The following EPDR1 variants were observed in gnomAD, a reference collection of about 807,000 sequenced individuals.
EPDR1 encodes the protein ependymin related 1, also known as mammalian ependymin-related protein 1.
In EPDR1, 27 loss-of-function variants were observed where a neutral mutation model predicts 23.7. The ratio of observed to expected loss-of-function variants is 1.14; its 90% confidence interval spans 0.84 to 1.57. The LOEUF (loss-of-function observed/expected upper bound fraction) is 1.57, where lower values mean the gene tolerates loss of function less well. Among genes scored for constraint, EPDR1 ranks in the 40% most tolerant of loss-of-function variants. EPDR1 has a pLI of 0.00. For synonymous variants in EPDR1, 137 were observed against 118.2 expected (o/e 1.16, Z -1.03); for missense variants, 349 against 290.4 (o/e 1.20, Z -1.47).
intron 1 of EPDR1, among the ~76,000 whole-genome samples, chr7:37,937,841 G>A (rs542455974): frequency 6.6e-6 from 1 of 150,930 alleles, no homozygotes; most frequent in Non-Finnish European, 1.5e-5. Context: ...TTTCTTGACA[G>A]AAGCCCCATC....
chr7:37,948,843 A>G lies in EPDR1; in HGVS notation c.273A>G (p.Leu91=), dbSNP rs1786335324. The G allele has an allele frequency of 1.2e-6, 2 of 1,613,878 alleles. No individual in the cohort carries two copies. ...CTTCTTTCCATCTGTGTTTCAGATTATTTGAATATATTTTGCTGTATAAGG... is the reference window on the plus strand; with the variant it reads ...CTTCTTTCCATCTGTGTTTCAGATTGTTTGAATATATTTTGCTGTATAAGG... ...ERKALIPCKR[L]FEYILLYKDG... is the part of the protein sequence containing the mutation. Residue 91 remains leucine, a synonymous_variant, in exon 2 of 3, where the codon TTA becomes TTG. Transcript: ENST00000199448.
rs191756674 is a variant in EPDR1 at position 37,938,529 on chromosome 7, C to T, written c.270-10311C>T. 2.5e-3 allele frequency among the ~76,000 whole-genome samples: 375 copies of T among 152,282 alleles called. 1 individual carries two copies. The highest frequency in any genetic ancestry group is 8.6e-3 in the African/African-American group (358 of 41,562). ...CACTCTCATAATAAGAAGATGTTAT[C>T]ATTCTTTGGCTTTTCAGAAGGCGAA... is the stretch of plus-strand genomic sequence containing the variant. On this transcript the variant is annotated intron_variant, in intron 1 of 2. Transcript: ENST00000199448.
chr7:37,943,863 C>T (rs572520793), intron 1 of EPDR1, among the ~76,000 whole-genome samples: 5 of 152,278 alleles, frequency 3.3e-5, no homozygotes, highest in East Asian at 1.9e-4. Context: ...GTGGGCAGAG[C>T]GGGCCTCAGG....
rs1463084850 is a variant in EPDR1 at position 37,950,236 on chromosome 7, G to A, written c.515G>A (p.Cys172Tyr). The change falls in exon 3 of 3, where the codon TGC (cysteine) becomes TAC (tyrosine). Residue 172 changes from cysteine to tyrosine, a missense_variant. Transcript: ENST00000199448. ...TWIGIYTVKD[C>Y]YPVQETFTIN... ...ATTGGCATCTATACAGTCAAGGATT[G>A]CTATCCTGTCCAGGAAACCTTTACC... 1 of 1,613,976 alleles carries A rather than the reference G, an allele frequency of 6.2e-7. No individual in the cohort carries two copies. The highest frequency in any genetic ancestry group is 1.3e-5 in the African/African-American group (1 of 75,022).
At chr7:37,947,043 G>A (rs534514034) in intron 1 of EPDR1, among the ~76,000 whole-genome samples, 9 of 152,230 alleles carry the variant, frequency 5.9e-5, no homozygotes, top group African/African-American at 2.2e-4. Context: ...TGTTTATAAA[G>A]CCTACAGAAG....
At chr7:37,925,342 CAG>C (rs1785793207) in intron 1 of EPDR1, among the ~76,000 whole-genome samples, 1 of 152,164 alleles carries the variant, frequency 6.6e-6, no homozygotes, top group Admixed American at 6.5e-5. Context: ...GCAGAGTGAG[CAG>C]AGAGGCAGTA....
intron 2 of EPDR1, among the ~76,000 whole-genome samples, chr7:37,949,255 AC>A (rs550429378): frequency 2.3e-4 from 35 of 152,158 alleles, no homozygotes; most frequent in Non-Finnish European, 4.0e-4. Flanking sequence ...TTCTAGTGCC[AC>A]CTGCACCTCT....
At chr7:37,925,946 C>G (rs966804979) in intron 1 of EPDR1, among the ~76,000 whole-genome samples, 1 of 152,192 alleles carries the variant, frequency 6.6e-6, no homozygotes, top group African/African-American at 2.4e-5. Context: ...TCTTCCTTCT[C>G]TTTTTCATCT....
intron 1 of EPDR1, among the ~76,000 whole-genome samples, chr7:37,932,582 G>T (rs1785967101): frequency 6.6e-6 from 1 of 152,142 alleles, no homozygotes; most frequent in Admixed American, 6.5e-5. Flanking sequence ...AGCTGGAAGG[G>T]TTTGCGTGAG....
chr7:37,923,670 TA>T (rs1449646561), intron 1 of EPDR1, among the ~76,000 whole-genome samples: 3 of 152,070 alleles, frequency 2.0e-5, no homozygotes, highest in African/African-American at 7.2e-5. Flanking sequence ...CCAAAGGTAG[TA>T]TTTTTTTTTT....
intron 1 of EPDR1, among the ~76,000 whole-genome samples, chr7:37,934,585 C>A (rs1049847011): frequency 1.3e-5 from 2 of 152,040 alleles, no homozygotes; most frequent in Non-Finnish European, 2.9e-5. Context: ...TACAGTCAGC[C>A]CTCTGCATCC....
At chr7:37,921,695 G>A (rs1785709808) in intron 1 of EPDR1, among the ~76,000 whole-genome samples, 1 of 152,142 alleles carries the variant, frequency 6.6e-6, no homozygotes, top group Admixed American at 6.5e-5. Flanking sequence ...AAACGGTATG[G>A]GAAAGTGATA....
At chr7:37,937,303 T>C (rs1786074743) in intron 1 of EPDR1, among the ~76,000 whole-genome samples, 1 of 152,186 alleles carries the variant, frequency 6.6e-6, no homozygotes, top group Admixed American at 6.5e-5. Flanking sequence ...ATAGAAAACA[T>C]GATGCATTCC....
chr7:37,925,565 T>C (rs1371209938), intron 1 of EPDR1, among the ~76,000 whole-genome samples: 1 of 152,200 alleles, frequency 6.6e-6, no homozygotes, highest in Non-Finnish European at 1.5e-5. Context: ...ATTAACCTCT[T>C]TTTTAAACAG....
At position 37,948,899 on chromosome 7, in the gene EPDR1, C is replaced by T. The variant is rs1253441039; in HGVS notation, c.329C>T (p.Thr110Ile). 1 of 1,614,130 alleles carries T rather than the reference C, an allele frequency of 6.2e-7. No individual in the cohort carries two copies. Among genetic ancestry groups the T allele is most frequent in the Non-Finnish European group, 8.5e-7 (1 of 1,180,026 alleles). ...DGVMFQIDQA[T>I]KQCSKMTLTQ... ...GTGATGTTTCAGATTGACCAAGCCACCAAGCAGTGCTCAAAGATGACCCTG... is the reference window on the plus strand; with the variant it reads ...GTGATGTTTCAGATTGACCAAGCCATCAAGCAGTGCTCAAAGATGACCCTG... Residue 110 changes from threonine to isoleucine, a missense_variant, in exon 2 of 3, where the codon ACC becomes ATC. Coordinates refer to ENST00000199448, the MANE Select transcript of EPDR1 (RefSeq NM_017549.5).
rs1554374638 is a variant in EPDR1 at position 37,936,039 on chromosome 7, T to TAC, written c.270-12797_270-12796dup. 6.5e-4 allele frequency among the ~76,000 whole-genome samples: 53 copies of TAC among 80,940 alleles called. 7 individuals are homozygous for TAC. Among genetic ancestry groups the TAC allele is most frequent in the Admixed American group, 1.0e-3 (7 of 6,718 alleles). The allele number at this position is 80,940 out of a possible 152,430, so 53.1% of individuals were successfully genotyped here. ...ATATATATATATATATATATATATA[T>TAC]ACACAAGGGAAATGTGAATCTGTTA... On this transcript the variant is annotated intron_variant, in intron 1 of 2. Transcript: ENST00000199448.
At chr7:37,924,241 A>G (rs987193418) in intron 1 of EPDR1, among the ~76,000 whole-genome samples, 16 of 152,368 alleles carry the variant, frequency 1.1e-4, no homozygotes, top group African/African-American at 3.8e-4. Flanking sequence ...CAAACATCTA[A>G]TGATTGCCTG....
At chr7:37,930,771 T>C (rs1785921469) in intron 1 of EPDR1, among the ~76,000 whole-genome samples, 1 of 152,222 alleles carries the variant, frequency 6.6e-6, no homozygotes, top group Non-Finnish European at 1.5e-5. Context: ...AGGTTCCACT[T>C]AGTATATTGA....
At position 37,948,890 on chromosome 7, in the gene EPDR1, A is replaced by G. The variant is rs1271864613; in HGVS notation, c.320A>G (p.Asp107Gly). 8.1e-6 allele frequency: 13 copies of G among 1,614,124 alleles called. No individual in the cohort carries two copies. Among genetic ancestry groups the G allele is most frequent in the East Asian group, 2.2e-5 (1 of 44,862 alleles). ...LYKDGVMFQI[D>G]QATKQCSKMT... is the part of the protein sequence containing the mutation. ...AAGGATGGAGTGATGTTTCAGATTG[A>G]CCAAGCCACCAAGCAGTGCTCAAAG... is the stretch of plus-strand genomic sequence containing the variant. The change falls in exon 2 of 3, where the codon GAC (aspartate) becomes GGC (glycine). Residue 107 changes from aspartate to glycine, a missense_variant. By Grantham distance (94) the Asp-to-Gly change is moderately conservative. Transcript: ENST00000199448.
Sources: gnomAD v4.1 joint callset for allele counts (sites outside exome capture counted in the v4.1 genomes callset) on GRCh38, gnomAD v4.1.1 for gene constraint, MANE v1.5 for transcripts, NCBI Gene and HGNC (gene_info 2026-07-23, HGNC 2026-07-21) for gene names.